DNAJC6: variants seen among roughly 807,000 people sequenced by gnomAD.
The protein encoded by DNAJC6 is DnaJ heat shock protein family (Hsp40) member C6, also known as auxilin.
DNAJC6 carries 34 observed loss-of-function variants against 110.0 expected under a neutral mutation model. The ratio of observed to expected loss-of-function variants is 0.31; its 90% CI spans 0.24 to 0.41. The LOEUF (loss-of-function observed/expected upper bound fraction) is 0.41, where lower values mean the gene tolerates loss of function less well. DNAJC6 is among the 10% of genes least tolerant of loss of function. The pLI, the probability that DNAJC6 is intolerant of heterozygous loss-of-function variation, is 1.00. For missense variants in DNAJC6, 1,031 were observed against 1,207.8 expected, an observed-to-expected ratio of 0.85 and a Z score of 2.17; for synonymous variants, 406 against 437.2, an observed-to-expected ratio of 0.93 and a Z score of 0.89.
At chr1:65,395,368 A>G (rs1434938936) in intron 13 of DNAJC6, among the ~76,000 whole-genome samples, 3 of 152,366 alleles carry the variant, frequency 2.0e-5, no homozygotes, top group East Asian at 3.9e-4. Flanking sequence ...CACTGCCACT[A>G]TGAAATGATT....
chr1:65,264,794 C>G (rs1007491631), exon 1 of DNAJC6: 102 of 1,533,182 alleles, frequency 6.7e-5, no homozygotes, highest in Non-Finnish European at 8.8e-5. Context: ...CCCGAGTGCT[C>G]CTCCGTTGAG....
At chr1:65,401,133 T>A (rs1646026467) in intron 14 of DNAJC6, among the ~76,000 whole-genome samples, 1 of 152,338 alleles carries the variant, frequency 6.6e-6, no homozygotes, top group East Asian at 1.9e-4. Flanking sequence ...CTGGTATTCA[T>A]CTGTATGTTT....
At position 65,415,480 on chromosome 1, in the gene DNAJC6, A is replaced by ACACG. The variant is rs1646162563; in HGVS notation, c.*2458_*2459insGCAC. 1 of 151,938 alleles carries ACACG rather than the reference A, an allele frequency of 6.6e-6. No individual in the cohort carries two copies. Among genetic ancestry groups the ACACG allele is most frequent in the African/African-American group, 2.4e-5 (1 of 41,338 alleles). The allele number at this position is 151,938 out of a possible 1,614,324, so 9.4% of individuals were successfully genotyped here. On this transcript the variant is annotated 3_prime_UTR_variant, in exon 19 of 19. Transcript: ENST00000371069. ...CACACACACACACACACACACACACACACACATGCACGCACACATGATTTT... is the reference window on the plus strand; with the variant it reads ...CACACACACACACACACACACACACACACGCACACATGCACGCACACATGATTTT...
At chr1:65,309,073 GT>G, upstream of DNAJC6, among the ~76,000 whole-genome samples, 1 of 152,158 alleles carries the variant, frequency 6.6e-6, no homozygotes, top group Non-Finnish European at 1.5e-5. Flanking sequence ...TACCGTCCTG[GT>G]GGCTTTGGCG....
intron 1 of DNAJC6, among the ~76,000 whole-genome samples, chr1:65,281,951 G>A (rs1653866877): frequency 6.6e-6 from 1 of 152,064 alleles, no homozygotes; most frequent in Non-Finnish European, 1.5e-5. Flanking sequence ...TTTTGACACA[G>A]AGTCTGGCCC....
At chr1:65,305,630 G>A (rs1416806499), upstream of DNAJC6, among the ~76,000 whole-genome samples, 1 of 152,054 alleles carries the variant, frequency 6.6e-6, no homozygotes, top group Non-Finnish European at 1.5e-5. Flanking sequence ...GTGTCATGGG[G>A]GACACAAACA....
rs1441655477 is a variant in DNAJC6, at chr1:65,318,230, T to G, written c.193+8292T>G. ...CAAAAATGTTTACATTTTAATTGCCTTTAAAAATCAGAATAAAATAAATAA... is the reference window on the plus strand; with the variant it reads ...CAAAAATGTTTACATTTTAATTGCCGTTAAAAATCAGAATAAAATAAATAA... On this transcript the variant is annotated intron_variant, in intron 1 of 18. Transcript: ENST00000371069. 2.0e-5 allele frequency among the ~76,000 whole-genome samples: 3 copies of G among 152,196 alleles called. 1 individual carries two copies. Among genetic ancestry groups the G allele is most frequent in the Non-Finnish European group, 4.4e-5 (3 of 68,020 alleles).
chr1:65,392,292 C>T, intron 11 of DNAJC6, 139 bp from the exon 12 acceptor site: 7 of 739,534 alleles, frequency 9.5e-6, no homozygotes, highest in South Asian at 2.2e-5. Flanking sequence ...TCAAGTGTTC[C>T]ACTGATTAGG....
At position 65,309,910 on chromosome 1, in the gene DNAJC6, G is replaced by T. The variant is rs1258241238; in HGVS notation, c.165G>T (p.Pro55=). The T allele has an allele frequency of 6.5e-7, 1 of 1,536,388 alleles. No individual in the cohort carries two copies. Among genetic ancestry groups the T allele is most frequent in the South Asian group, 1.2e-5 (1 of 82,640 alleles). The part of the protein sequence containing the change: ...AAARSPARQP[P]DRASTMDSSG... ...CGCGGAGTCCCGCCCGACAGCCTCC[G>T]GACCGCGCCAGCACCATGGACAGCT... Residue 55 remains proline, a synonymous_variant, in exon 1 of 19, where the codon CCG becomes CCT. Coordinates refer to ENST00000371069, the MANE Select transcript of DNAJC6 (RefSeq NM_001256864.2).
intron 1 of DNAJC6, among the ~76,000 whole-genome samples, chr1:65,280,030 TACCTAATAAGGTTGTTGTGAGATTAGA>T (rs1050487075): frequency 4.6e-5 from 7 of 152,156 alleles, no homozygotes; most frequent in African/African-American, 9.7e-5. Context: ...AAAATAGTAA[TACCTAATAAGGTTGTTGTGAGATTAGA>T]ACCTAATAAG....
At chr1:65,365,518 C>T (rs149484247) in intron 2 of DNAJC6, among the ~76,000 whole-genome samples, 1 of 152,136 alleles carries the variant, frequency 6.6e-6, no homozygotes, top group Admixed American at 6.5e-5. Flanking sequence ...TATTTTTTCT[C>T]AACCACTTCT....
chr1:65,377,059 G>A (rs1645773623), intron 4 of DNAJC6, among the ~76,000 whole-genome samples: 1 of 152,150 alleles, frequency 6.6e-6, no homozygotes, highest in Non-Finnish European at 1.5e-5. Context: ...CACCACACCT[G>A]GCCAATTTCT....
At chr1:65,279,197 A>T (rs1401444996) in intron 1 of DNAJC6, 1 of 981,816 alleles carries the variant, frequency 1.0e-6, no homozygotes, top group African/African-American at 1.7e-5. Context: ...CATTTCTACA[A>T]CTTTGGGGGA....
intron 1 of DNAJC6, among the ~76,000 whole-genome samples, chr1:65,356,940 C>T (rs1645549654): frequency 6.6e-6 from 1 of 152,192 alleles, no homozygotes; most frequent in South Asian, 2.1e-4. Context: ...GGAGCCAAAG[C>T]AGTGGCTTTT....
intron 1 of DNAJC6, among the ~76,000 whole-genome samples, chr1:65,277,980 A>C (rs148950891): frequency 5.1e-4 from 78 of 152,342 alleles, no homozygotes; most frequent in South Asian, 1.7e-3. Flanking sequence ...TAAAGAGCTA[A>C]GTAGGAAGTG....
chr1:65,350,675 G>T (rs986337190), intron 1 of DNAJC6, among the ~76,000 whole-genome samples: 1 of 152,140 alleles, frequency 6.6e-6, no homozygotes, highest in Non-Finnish European at 1.5e-5. Context: ...GTTAAAATGG[G>T]TCTATTGTGG....
chr1:65,351,418 T>C (rs1308583254), intron 1 of DNAJC6, among the ~76,000 whole-genome samples: 1 of 152,216 alleles, frequency 6.6e-6, no homozygotes, highest in Non-Finnish European at 1.5e-5. Context: ...TGTGGGTTCA[T>C]ATTTTAGAAC....
intron 11 of DNAJC6, 71 bp from the exon 12 acceptor site, chr1:65,392,360 A>G (rs1363682405): frequency 7.3e-7 from 1 of 1,365,618 alleles, no homozygotes; most frequent in Non-Finnish European, 9.9e-7. Flanking sequence ...AATTATATAC[A>G]TATATTATAA....
intron 14 of DNAJC6, 31 bp from the exon 15 acceptor site, chr1:65,401,730 C>A (rs374992856): frequency 6.3e-7 from 1 of 1,593,928 alleles, no homozygotes; most frequent in Non-Finnish European, 8.5e-7. Flanking sequence ...AAACAACTAA[C>A]TCATTTTCAA....
Sources: allele counts gnomAD v4.1 joint callset (sites outside exome capture counted in the v4.1 genomes callset), GRCh38; gene constraint gnomAD v4.1.1; transcripts MANE v1.5; gene names NCBI Gene and HGNC (gene_info 2026-07-23, HGNC 2026-07-21).